Variants in VAPA observed in about 807,000 individuals in gnomAD.
VAPA encodes VAMP associated protein A.
Under a neutral mutation model 25.6 loss-of-function variants are expected in VAPA, and 6 were observed. The observed-to-expected ratio is 0.23, with a 90% CI of 0.13 to 0.46. The LOEUF (loss-of-function observed/expected upper bound fraction) is 0.46, where lower values mean the gene tolerates loss of function less well. Ranked by LOEUF, VAPA falls within the 20% of genes least tolerant of loss-of-function variation. The pLI is 0.99. For synonymous variants in VAPA, 112 were observed against 106.2 expected (o/e 1.05, Z -0.34); for missense variants, 244 against 302.1 (o/e 0.81, Z 1.43).
rs1411375814 is a variant in VAPA, at chr18:9,959,425, A to G, written c.*5214A>G. On this transcript the variant is annotated 3_prime_UTR_variant, in exon 6 of 6. Coordinates refer to ENST00000400000, the MANE Select transcript of VAPA (RefSeq NM_194434.3). ...GTCCGTGAACAAAACCAACATGAAC[A>G]TTCCTAAACAAGAGTGTGTGTTACT... 6.6e-6 allele frequency: 1 copy of G among 152,206 alleles called. No individual in the cohort carries two copies. Among genetic ancestry groups the G allele is most frequent in the Non-Finnish European group, 1.5e-5 (1 of 68,034 alleles). 9.4% of individuals were successfully genotyped at this position (152,206 alleles called of 1,614,324 possible).
chr18:9,921,575 A>G (rs941227007), intron 1 of VAPA, among the ~76,000 whole-genome samples: 4 of 152,244 alleles, frequency 2.6e-5, no homozygotes, highest in South Asian at 2.1e-4. Context: ...AATGGTTACT[A>G]TAGTGAAGCA....
chr18:9,949,926 T>C (rs1299155562), intron 4 of VAPA: 1 of 153,372 alleles, frequency 6.5e-6, no homozygotes, highest in African/African-American at 2.4e-5. Flanking sequence ...TGTTTTTTCT[T>C]AGGTAGTTTC....
rs1212308338 is a variant in VAPA at position 9,956,361 on chromosome 18, A to AGAC, written c.*2151_*2153dup. On this transcript the variant is annotated 3_prime_UTR_variant, in exon 6 of 6. Coordinates refer to ENST00000400000, the MANE Select transcript of VAPA (RefSeq NM_194434.3). Reference sequence around the variant, plus strand: ...AGTATATGTGAAATTTCTTATTGTAAGACTACTACCGGCTTACTGTTGAAT... The same window carrying AGAC: ...AGTATATGTGAAATTTCTTATTGTAAGACGACTACTACCGGCTTACTGTTGAAT... The AGAC allele has an allele frequency of 6.6e-6, 1 of 152,234 alleles. No individual in the cohort carries two copies. Among genetic ancestry groups the AGAC allele is most frequent in the Non-Finnish European group, 1.5e-5 (1 of 68,042 alleles). The allele number at this position is 152,234 out of a possible 1,614,324, so 9.4% of individuals were successfully genotyped here.
At chr18:9,918,314 A>G (rs1450134509) in intron 1 of VAPA, among the ~76,000 whole-genome samples, 2 of 152,160 alleles carry the variant, frequency 1.3e-5, no homozygotes, top group South Asian at 2.1e-4. Context: ...TCTTTCTAGT[A>G]TGTGTCTCTC....
chr18:9,935,691 A>G (rs1298223573), intron 2 of VAPA, among the ~76,000 whole-genome samples: 3 of 152,260 alleles, frequency 2.0e-5, no homozygotes, highest in Non-Finnish European at 4.4e-5. Flanking sequence ...GCCTAAATTC[A>G]TAGTTTTAAT....
At chr18:9,924,844 G>A (rs1479116329) in intron 1 of VAPA, 1 of 151,718 alleles carries the variant, frequency 6.6e-6, no homozygotes, top group Non-Finnish European at 1.5e-5. Context: ...CTAGGTAATG[G>A]TTTTAGCTGT....
At chr18:9,943,324 G>A (rs1315335975) in intron 4 of VAPA, among the ~76,000 whole-genome samples, 2 of 152,136 alleles carry the variant, frequency 1.3e-5, no homozygotes, top group African/African-American at 2.4e-5. Flanking sequence ...AGGAAACTTA[G>A]GAACCCTTTC....
rs533951345 is a variant in VAPA, at chr18:9,930,738, T to A, written c.80-1072T>A. ...AGACCTGTTAGTTATATTAAAATGC[T>A]TTCTTTTCTATAACTGGTTCTCTGC... is the stretch of plus-strand genomic sequence containing the variant. On this transcript the variant is annotated intron_variant, in intron 1 of 5. Transcript: ENST00000400000. 1.6e-4 allele frequency among the ~76,000 whole-genome samples: 24 copies of A among 152,154 alleles called. No individual in the cohort carries two copies. In the South Asian group the frequency reaches 4.6e-3, roughly 29 times the overall value.
rs2069519369 is a variant in VAPA, at chr18:9,954,220, A to T, written c.*9A>T. On this transcript the variant is annotated 3_prime_UTR_variant, in exon 6 of 6. Coordinates refer to ENST00000400000, the MANE Select transcript of VAPA (RefSeq NM_194434.3). Reference sequence around the variant, plus strand: ...GGAAATTCATCTTGTAGAGTGAAGCATGCAGAGTGCTGTTTCTTTTTTTTT... The same window carrying T: ...GGAAATTCATCTTGTAGAGTGAAGCTTGCAGAGTGCTGTTTCTTTTTTTTT... The T allele has an allele frequency of 1.3e-6, 2 of 1,587,088 alleles. No individual in the cohort carries two copies. The highest frequency in any genetic ancestry group is 4.5e-5 in the East Asian group (2 of 44,734).
At chr18:9,932,106 A>T (rs965450903) in intron 2 of VAPA, 144 bp downstream of exon 2, 3 of 596,418 alleles carry the variant, frequency 5.0e-6, no homozygotes, top group African/African-American at 3.8e-5. Context: ...TTGTTACAGT[A>T]CTCTGCAAGC....
At chr18:9,944,817 G>C (rs2069404208) in intron 4 of VAPA, 5 of 1,336,216 alleles carry the variant, frequency 3.7e-6, no homozygotes, top group Non-Finnish European at 4.0e-6. Context: ...TTTATAAAGT[G>C]TTAATGTTTA....
intron 4 of VAPA, among the ~76,000 whole-genome samples, chr18:9,946,374 A>G (rs544333022): frequency 2.1e-4 from 32 of 152,262 alleles, no homozygotes; most frequent in Admixed American, 1.4e-3. Context: ...AGCTTATTCA[A>G]CCTGCAGCCT....
At chr18:9,914,647 C>A (rs2069095721) in intron 1 of VAPA, 1 of 150,378 alleles carries the variant, frequency 6.6e-6, no homozygotes, top group Non-Finnish European at 1.5e-5. Flanking sequence ...GCCTCCTGGG[C>A]GTCCGGTCCC....
chr18:9,923,054 A>G (rs1353821398), intron 1 of VAPA, among the ~76,000 whole-genome samples: 1 of 152,236 alleles, frequency 6.6e-6, no homozygotes, highest in East Asian at 1.9e-4. Flanking sequence ...TAAAAAGTCT[A>G]AACTAGTGTC....
intron 3 of VAPA, 68 bp from the exon 4 acceptor site, chr18:9,936,918 C>A: frequency 7.2e-7 from 1 of 1,387,220 alleles, no homozygotes; most frequent in Non-Finnish European, 1.0e-6. Flanking sequence ...TTAGCTGTCC[C>A]GTGAGGTGAA....
At chr18:9,943,624 T>G (rs1011513091) in intron 4 of VAPA, among the ~76,000 whole-genome samples, 4 of 152,180 alleles carry the variant, frequency 2.6e-5, no homozygotes, top group Non-Finnish European at 5.9e-5. Flanking sequence ...GTTTGGATTG[T>G]CAGCTCTGTA....
At position 9,954,170 on chromosome 18, in the gene VAPA, G is replaced by A; in HGVS notation, c.709G>A (p.Ala237Thr). 1 of 1,613,290 alleles carries A rather than the reference G, an allele frequency of 6.2e-7. No individual in the cohort carries two copies. The highest frequency in any genetic ancestry group is 8.5e-7 in the Non-Finnish European group (1 of 1,179,730). ...TCCTTCACTTCTTGTTGTAATTGCA[G>A]CCATTTTCATTGGATTCTTTCTAGG... ...PLPSLLVVIA[A>T]IFIGFFLGKF... is the part of the protein sequence containing the mutation. Residue 237 changes from alanine to threonine, a missense_variant, in exon 6 of 6, where the codon GCC becomes ACC. This residue lies in a region of VAPA where 145 missense variants were observed against 140.6 expected (regional missense o/e 1.03). Coordinates refer to ENST00000400000, the MANE Select transcript of VAPA (RefSeq NM_194434.3).
chr18:9,945,550 T>A (rs1166237792), intron 4 of VAPA, among the ~76,000 whole-genome samples: 2 of 151,780 alleles, frequency 1.3e-5, no homozygotes, highest in African/African-American at 2.4e-5. Flanking sequence ...TTGGTAGAGA[T>A]GGGGTTTCAC....
At chr18:9,937,155 T>C in intron 4 of VAPA, 89 bp downstream of exon 4, 4 of 1,005,320 alleles carry the variant, frequency 4.0e-6, no homozygotes, top group Non-Finnish European at 6.0e-6. Flanking sequence ...CTTTGAGGTA[T>C]GTGTGATATG....
Sources: allele counts gnomAD v4.1 joint callset (sites outside exome capture counted in the v4.1 genomes callset), GRCh38; gene constraint gnomAD v4.1.1; regional missense constraint gnomAD v4.1.1; transcripts MANE v1.5; gene names NCBI Gene and HGNC (gene_info 2026-07-23, HGNC 2026-07-21).